ITPK1: variants seen among roughly 807,000 people sequenced by gnomAD.
ITPK1 encodes the protein inositol-tetrakisphosphate 1-kinase.
A neutral mutation model predicts 45.3 loss-of-function variants in ITPK1; 21 were observed. That is an observed-to-expected ratio of 0.46 (90% confidence interval 0.33 to 0.67). The LOEUF (loss-of-function observed/expected upper bound fraction) is 0.67, where lower values mean the gene tolerates loss of function less well. ITPK1 is among the 30% of genes least tolerant of loss of function. The probability of loss-of-function intolerance (pLI) is 0.02; values close to 1 mark genes in which losing one functional copy is unlikely to be tolerated. For missense variants in ITPK1, 474 were observed against 573.5 expected (o/e 0.83, Z 1.77); for synonymous variants, 258 against 253.6 (o/e 1.02, Z -0.16).
chr14:93,019,680 T>A (rs1888370024), intron 3 of ITPK1, among the ~76,000 whole-genome samples: 1 of 152,014 alleles, frequency 6.6e-6, no homozygotes, highest in Admixed American at 6.5e-5. Flanking sequence ...CTGAACACAC[T>A]GCAAACAGGC....
At chr14:93,071,230 C>T (rs1595188770) in intron 3 of ITPK1, 2 of 153,340 alleles carry the variant, frequency 1.3e-5, no homozygotes, top group African/African-American at 4.8e-5. Flanking sequence ...CGTGGCCCAA[C>T]AGACCAGGTC....
chr14:93,045,565 G>A (rs1889739313), intron 3 of ITPK1, among the ~76,000 whole-genome samples: 1 of 152,156 alleles, frequency 6.6e-6, no homozygotes, highest in Admixed American at 6.5e-5. Context: ...GGTGAGAGGA[G>A]GATCACTGGA....
chr14:93,084,429 T>A (rs989512525), intron 2 of ITPK1, among the ~76,000 whole-genome samples: 1 of 152,148 alleles, frequency 6.6e-6, no homozygotes, highest in Non-Finnish European at 1.5e-5. Context: ...CAAAGAATTA[T>A]CCAGCACAAA....
chr14:92,996,614 C>T (rs1272096709), intron 4 of ITPK1, among the ~76,000 whole-genome samples: 1 of 152,096 alleles, frequency 6.6e-6, no homozygotes, highest in Non-Finnish European at 1.5e-5. Context: ...AGAGACTTCA[C>T]ATCACTGACA....
In ITPK1 at chr14:92,986,661, G is replaced by A. The variant is rs527263126; in HGVS notation, c.364+7219C>T. Among the ~76,000 whole-genome samples the A allele has an allele frequency of 7.2e-5, 11 of 152,306 alleles. No individual in the cohort carries two copies. In the South Asian group the frequency reaches 1.9e-3, roughly 26 times the overall value. ...TCCAGAAGCCACTGAGCTGGAGGGC[G>A]CTGGAGGGGTTGGTGGGCTGTGGGT... On this transcript the variant is annotated intron_variant, in intron 5 of 10. Transcript: ENST00000267615.
At chr14:92,947,002 G>A (rs1887722826) in intron 9 of ITPK1, among the ~76,000 whole-genome samples, 1 of 152,352 alleles carries the variant, frequency 6.6e-6, no homozygotes, top group East Asian at 1.9e-4. Context: ...CCCCAGGGAG[G>A]ACACAGGGGA....
intron 2 of ITPK1, among the ~76,000 whole-genome samples, chr14:93,086,592 G>C (rs1891659436): frequency 6.6e-6 from 1 of 151,740 alleles, no homozygotes; most frequent in Non-Finnish European, 1.5e-5. Flanking sequence ...CAGACCAGTG[G>C]GCTACATGCC....
At chr14:93,054,154 G>C (rs915565339) in intron 3 of ITPK1, among the ~76,000 whole-genome samples, 2 of 152,220 alleles carry the variant, frequency 1.3e-5, no homozygotes, top group Admixed American at 6.5e-5. Context: ...CTTAGAGGTA[G>C]AGTCCCCACT....
intron 3 of ITPK1, among the ~76,000 whole-genome samples, chr14:93,017,656 C>T (rs545809924): frequency 1.9e-4 from 29 of 152,368 alleles, no homozygotes; most frequent in South Asian, 6.2e-4. Flanking sequence ...GAGGCAGCGG[C>T]GCCAGCCCGG....
chr14:93,091,378 C>T (rs1214742374), intron 2 of ITPK1, among the ~76,000 whole-genome samples: 1 of 152,208 alleles, frequency 6.6e-6, no homozygotes, highest in African/African-American at 2.4e-5. Context: ...AGCACCAGGC[C>T]AGGAAGCCCA....
rs944793664 is a variant in ITPK1 at position 93,036,853 on chromosome 14, T to A, written c.121-20052A>T. Reference sequence around the variant, plus strand: ...CTGCCAAAAAGGGACCTACCTGCTGTCAAGGGGTGGAAGCCCCAAACCTCA... The same window carrying A: ...CTGCCAAAAAGGGACCTACCTGCTGACAAGGGGTGGAAGCCCCAAACCTCA... On this transcript the variant is annotated intron_variant, in intron 3 of 10. Transcript: ENST00000267615. The surrounding 1 kb of genome is among the most constrained non-coding windows in gnomAD (Gnocchi z 4.1). The A allele has an allele frequency of 2.0e-5, 3 of 152,280 alleles. No homozygotes were observed. Among genetic ancestry groups the A allele is most frequent in the Non-Finnish European group, 4.4e-5 (3 of 68,106 alleles). 9.4% of individuals were successfully genotyped at this position (152,280 alleles called of 1,614,324 possible). A position where few individuals can be genotyped will look rare whatever the true frequency, so the allele number is the denominator to read the frequency against.
chr14:93,088,614 C>A (rs949792487), intron 2 of ITPK1, among the ~76,000 whole-genome samples: 1 of 152,018 alleles, frequency 6.6e-6, no homozygotes, highest in Non-Finnish European at 1.5e-5. Flanking sequence ...CCTTGGCCCC[C>A]CAAAGTGCTA....
chr14:92,980,135 G>C (rs1350659125), intron 5 of ITPK1, among the ~76,000 whole-genome samples: 1 of 152,164 alleles, frequency 6.6e-6, no homozygotes, highest in African/African-American at 2.4e-5. Flanking sequence ...CCCCAGAGGA[G>C]CACTGAGGCC....
At chr14:93,104,450 G>A (rs929959409) in intron 2 of ITPK1, among the ~76,000 whole-genome samples, 6 of 143,220 alleles carry the variant, frequency 4.2e-5, no homozygotes, top group African/African-American at 1.4e-4. Context: ...TGACAATAGC[G>A]AAACTCCATC....
intron 2 of ITPK1, among the ~76,000 whole-genome samples, chr14:93,089,988 C>T (rs189071361): frequency 4.4e-4 from 67 of 152,262 alleles, no homozygotes; most frequent in African/African-American, 1.4e-3. Flanking sequence ...GGGCTTCCCA[C>T]TCCCTGAGAC....
chr14:93,045,445 G>T (rs533763796), intron 3 of ITPK1, among the ~76,000 whole-genome samples: 21 of 152,238 alleles, frequency 1.4e-4, no homozygotes, highest in Non-Finnish European at 3.1e-4. Flanking sequence ...TCACCAGGAT[G>T]GGGGAAGATT....
intron 5 of ITPK1, among the ~76,000 whole-genome samples, chr14:92,979,903 C>G (rs953077006): frequency 3.3e-5 from 5 of 151,734 alleles, no homozygotes; most frequent in African/African-American, 1.2e-4. Flanking sequence ...GCCTCAGCCT[C>G]CTAAGTAGCT....
intron 3 of ITPK1, among the ~76,000 whole-genome samples, chr14:93,042,608 A>G (rs1465710700): frequency 6.6e-6 from 1 of 152,200 alleles, no homozygotes; most frequent in Admixed American, 6.5e-5. Flanking sequence ...CCCCACCTGC[A>G]TGTCCTGATG....
chr14:92,954,417 G>A (rs1011397629), intron 8 of ITPK1, among the ~76,000 whole-genome samples: 2 of 152,138 alleles, frequency 1.3e-5, no homozygotes, highest in Admixed American at 6.5e-5. Flanking sequence ...CAAGAGAGTC[G>A]GTTCCTCTAA....
Sources: gnomAD v4.1 joint callset for allele counts (sites outside exome capture counted in the v4.1 genomes callset) on GRCh38, gnomAD v4.1.1 for gene constraint, Gnocchi (gnomAD v3.1) non-coding constraint, MANE v1.5 for transcripts, NCBI Gene and HGNC (gene_info 2026-07-23, HGNC 2026-07-21) for gene names.